Variants in AOPEP observed in about 807,000 individuals in gnomAD.
The protein encoded by AOPEP is aminopeptidase O (putative), also known as aminopeptidase O.
A neutral mutation model predicts 98.1 loss-of-function variants in AOPEP; 77 were observed. That is an observed-to-expected ratio of 0.78 (90% CI 0.65 to 0.95). The LOEUF (loss-of-function observed/expected upper bound fraction) is 0.95, where lower values mean the gene tolerates loss of function less well. Among genes scored for constraint, AOPEP ranks in the 40% least tolerant of loss-of-function variants. The pLI is 0.00. For synonymous variants in AOPEP, 346 were observed against 365.3 expected (o/e 0.95, Z 0.60); for missense variants, 1,024 against 1,024.7 (o/e 1.00, Z 0.01).
chr9:94,814,932 GT>G (rs769742676), intron 5 of AOPEP, among the ~76,000 whole-genome samples: 8 of 152,204 alleles, frequency 5.3e-5, no homozygotes, highest in Non-Finnish European at 1.2e-4. Flanking sequence ...AGGAAGCCAT[GT>G]TTTAAAAACT....
chr9:94,782,111 AC>A (rs1199185412), intron 3 of AOPEP, among the ~76,000 whole-genome samples: 7 of 150,904 alleles, frequency 4.6e-5, no homozygotes, highest in Non-Finnish European at 1.0e-4. Context: ...AATTGCTTGA[AC>A]CCGGGAGGCG....
chr9:94,823,636 C>T lies in AOPEP; in HGVS notation c.1364+22634C>T, dbSNP rs6479573. ...CTTCACACTTACCTTGGCTCTTCCC[C>T]GGGTTCCCACACCAGGCTGAGTGGA... is the stretch of plus-strand genomic sequence containing the variant. On this transcript the variant is annotated intron_variant, in intron 5 of 16. Coordinates refer to ENST00000375315, the MANE Select transcript of AOPEP (RefSeq NM_001193329.3). Among the ~76,000 whole-genome samples the T allele has an allele frequency of 2.9e-3, 447 of 152,280 alleles. 1 individual carries two copies. The highest frequency in any genetic ancestry group is 0.01 in the Middle Eastern group (3 of 294).
At chr9:95,134,491 G>A in the AOPEP span, among the ~76,000 whole-genome samples, 1 of 152,182 alleles carries the variant, frequency 6.6e-6, no homozygotes, top group East Asian at 1.9e-4. Flanking sequence ...CTTGCAGGAA[G>A]CAGGAAGAAG....
At chr9:94,885,601 G>C (rs2897523) in intron 5 of AOPEP, among the ~76,000 whole-genome samples, 129,316 of 151,838 alleles carry the variant, frequency 0.85, 56,741 homozygotes, top group Non-Finnish European at 0.95. Context: ...GGGGAAGCTG[G>C]GACATGTAGC....
At chr9:95,093,799 C>T in the AOPEP span, among the ~76,000 whole-genome samples, 3 of 152,250 alleles carry the variant, frequency 2.0e-5, no homozygotes, top group South Asian at 4.2e-4. Context: ...TGCATGGACG[C>T]GCTGTAACTC....
the AOPEP span, chr9:95,149,992 C>G: frequency 6.2e-7 from 1 of 1,613,834 alleles, no homozygotes; most frequent in Non-Finnish European, 8.5e-7. Flanking sequence ...ACGTCCATGA[C>G]AGATGAGGAG....
intron 5 of AOPEP, among the ~76,000 whole-genome samples, chr9:94,906,455 A>AAATAATAATGAT (rs2051145110): frequency 8.7e-6 from 1 of 114,346 alleles, no homozygotes; most frequent in South Asian, 2.9e-4. Context: ...ACCCTGTCTG[A>AAATAATAATGAT]AATAATAATA....
the AOPEP span, among the ~76,000 whole-genome samples, chr9:95,121,810 G>GATCAAACT: frequency 6.6e-6 from 1 of 151,410 alleles, no homozygotes; most frequent in Non-Finnish European, 1.5e-5. Context: ...ATATATATGT[G>GATCAAACT]ATCAAACTAC....
At chr9:95,083,952 G>T (rs1182932433) in intron 16 of AOPEP, among the ~76,000 whole-genome samples, 1 of 152,114 alleles carries the variant, frequency 6.6e-6, no homozygotes, top group Non-Finnish European at 1.5e-5. Context: ...GCTCAGTATG[G>T]GTTTCTACAC....
At chr9:94,965,234 TG>T (rs2059117399) in intron 9 of AOPEP, among the ~76,000 whole-genome samples, 1 of 152,242 alleles carries the variant, frequency 6.6e-6, no homozygotes, top group African/African-American at 2.4e-5. Flanking sequence ...TCAGTCAGTT[TG>T]GGGTTGTCCC....
At chr9:95,081,982 G>C (rs1180507070) in intron 15 of AOPEP, among the ~76,000 whole-genome samples, 4 of 152,096 alleles carry the variant, frequency 2.6e-5, no homozygotes, top group Admixed American at 6.6e-5. Flanking sequence ...GCAGATGTGA[G>C]TGTTTGCGGC....
chr9:94,787,056 T>A (rs1844589511), intron 3 of AOPEP, among the ~76,000 whole-genome samples: 2 of 152,276 alleles, frequency 1.3e-5, no homozygotes, highest in Middle Eastern at 3.4e-3. Context: ...AAGTATGAAT[T>A]TGTGTGATAT....
the AOPEP span, among the ~76,000 whole-genome samples, chr9:95,095,402 C>T: frequency 6.6e-6 from 1 of 152,300 alleles, no homozygotes; most frequent in South Asian, 2.1e-4. Flanking sequence ...CCGTCCCGTT[C>T]CCTGTGTCGT....
chr9:94,901,215 A>G (rs2050348207), intron 5 of AOPEP, among the ~76,000 whole-genome samples: 1 of 152,250 alleles, frequency 6.6e-6, no homozygotes, highest in Non-Finnish European at 1.5e-5. Context: ...ACTTATACTT[A>G]TGGCCCTTTC....
At chr9:94,804,257 T>G (rs932208097) in intron 5 of AOPEP, among the ~76,000 whole-genome samples, 5 of 152,230 alleles carry the variant, frequency 3.3e-5, no homozygotes, top group Non-Finnish European at 2.9e-5. Flanking sequence ...TACCTTTGTA[T>G]GTGTGTATAG....
chr9:94,787,476 A>G (rs1844689957), intron 3 of AOPEP, among the ~76,000 whole-genome samples: 2 of 152,222 alleles, frequency 1.3e-5, no homozygotes, highest in Non-Finnish European at 1.5e-5. Flanking sequence ...CCCATGGACT[A>G]CGTGGATGGT....
intron 1 of AOPEP, among the ~76,000 whole-genome samples, chr9:94,749,108 G>A (rs1835132316): frequency 6.6e-6 from 1 of 152,124 alleles, no homozygotes; most frequent in Non-Finnish European, 1.5e-5. Flanking sequence ...ATGATTATTT[G>A]TTCAACCAAT....
At chr9:95,071,277 G>A (rs1367989861) in intron 14 of AOPEP, among the ~76,000 whole-genome samples, 1 of 140,626 alleles carries the variant, frequency 7.1e-6, no homozygotes, top group Non-Finnish European at 1.5e-5. Context: ...GTGCTGACAT[G>A]ACCCTCCCCC....
intron 5 of AOPEP, among the ~76,000 whole-genome samples, chr9:94,828,132 G>A (rs369287148): frequency 3.9e-5 from 6 of 152,306 alleles, no homozygotes; most frequent in East Asian, 3.9e-4. Context: ...AGAATGCTGC[G>A]ATAGATGTTT....
Sources: allele counts gnomAD v4.1 joint callset (sites outside exome capture counted in the v4.1 genomes callset), GRCh38; gene constraint gnomAD v4.1.1; transcripts MANE v1.5; gene names NCBI Gene and HGNC (gene_info 2026-07-23, HGNC 2026-07-21).